The following HDAC7 variants were observed in gnomAD, a reference collection of about 807,000 sequenced individuals.
HDAC7 encodes the protein histone deacetylase 7A.
In HDAC7, 26 loss-of-function variants were observed where a neutral mutation model predicts 115.5. The ratio of observed to expected loss-of-function variants is 0.23; its 90% CI spans 0.16 to 0.31. HDAC7 has a LOEUF of 0.31. Ranked by LOEUF, HDAC7 falls within the 10% of genes least tolerant of loss-of-function variation. The pLI is 1.00. For missense variants in HDAC7, 1,068 were observed against 1,329.0 expected (o/e 0.80, Z 3.05); for synonymous variants, 564 against 550.9 (o/e 1.02, Z -0.33).
chr12:47,791,465 C>A, intron 15 of HDAC7, 121 bp downstream of exon 15: 1 of 1,427,582 alleles, frequency 7.0e-7, no homozygotes, highest in Non-Finnish European at 9.5e-7. Flanking sequence ...TGGCAGCAAG[C>A]TGGAGTAGGG....
chr12:47,810,318 T>A (rs1944596381), intron 1 of HDAC7, among the ~76,000 whole-genome samples: 1 of 152,184 alleles, frequency 6.6e-6, no homozygotes, highest in Non-Finnish European at 1.5e-5. Context: ...CTTGCTGAGG[T>A]CACACAGATG....
chr12:47,818,585 A>G (rs1034726949), intron 1 of HDAC7, among the ~76,000 whole-genome samples: 3 of 152,216 alleles, frequency 2.0e-5, no homozygotes, highest in Admixed American at 2.0e-4. Flanking sequence ...AGGGGTCCTG[A>G]GGAAGGTCCC....
Sources: gnomAD v4.1 joint callset for allele counts (sites outside exome capture counted in the v4.1 genomes callset) on GRCh38, gnomAD v4.1.1 for gene constraint, MANE v1.5 for transcripts, NCBI Gene and HGNC (gene_info 2026-07-23, HGNC 2026-07-21) for gene names.